The following LRIF1 variants were observed in gnomAD, a reference collection of about 807,000 sequenced individuals.
The protein encoded by LRIF1 is ligand dependent nuclear receptor interacting factor 1.
LRIF1 carries 32 observed loss-of-function variants against 52.7 expected under a neutral mutation model. The observed-to-expected ratio is 0.61, with a 90% CI of 0.46 to 0.82. The LOEUF (loss-of-function observed/expected upper bound fraction) is 0.82, where lower values mean the gene tolerates loss of function less well. LRIF1 is among the 40% of genes least tolerant of loss of function. The probability of loss-of-function intolerance (pLI) is 0.00; values close to 1 mark genes in which losing one functional copy is unlikely to be tolerated. For synonymous variants in LRIF1, 323 were observed against 317.4 expected (o/e 1.02, Z -0.19); for missense variants, 887 against 892.0 (o/e 0.99, Z 0.07).
the LRIF1 span, chr1:110,895,033 C>A: frequency 6.2e-7 from 1 of 1,613,236 alleles, no homozygotes; most frequent in Non-Finnish European, 8.5e-7. Context: ...ACCAAGGCAG[C>A]GTGGGACTCC....
At chr1:110,943,446 G>A (rs900224063), downstream of LRIF1, 2 of 152,006 alleles carry the variant, frequency 1.3e-5, no homozygotes, top group African/African-American at 2.4e-5. Context: ...AAATAAAAAA[G>A]GAGGCTAAAT....
the LRIF1 span, among the ~76,000 whole-genome samples, chr1:110,909,643 C>T: frequency 1.4e-5 from 2 of 141,804 alleles, no homozygotes; most frequent in East Asian, 2.1e-4. Context: ...TGCAGTGGCG[C>T]GATCTCGGCT....
chr1:110,963,253 G>C (rs919607211), intron 1 of LRIF1: 4 of 164,230 alleles, frequency 2.4e-5, no homozygotes, highest in African/African-American at 9.5e-5. Flanking sequence ...GGCTGCACTT[G>C]CTAATCCGTG....
the LRIF1 span, among the ~76,000 whole-genome samples, chr1:110,929,906 G>GT: frequency 6.6e-6 from 1 of 152,186 alleles, no homozygotes; most frequent in Non-Finnish European, 1.5e-5. Flanking sequence ...GAACTATTAG[G>GT]TACTAGTCTC....
chr1:110,881,272 C>T, the LRIF1 span, among the ~76,000 whole-genome samples: 1 of 151,914 alleles, frequency 6.6e-6, no homozygotes, highest in African/African-American at 2.4e-5. Context: ...CCACCTTCAT[C>T]CTCAGACAGT....
the LRIF1 span, among the ~76,000 whole-genome samples, chr1:110,928,724 G>A: frequency 6.6e-6 from 1 of 151,964 alleles, no homozygotes; most frequent in Non-Finnish European, 1.5e-5. Context: ...AGAGAGTGAG[G>A]GGGAAAAAAT....
At chr1:110,904,597 C>G in the LRIF1 span, among the ~76,000 whole-genome samples, 1 of 152,164 alleles carries the variant, frequency 6.6e-6, no homozygotes, top group Non-Finnish European at 1.5e-5. Context: ...CGAGGTGCCC[C>G]TAAAGCAGAT....
chr1:110,936,540 G>A, the LRIF1 span: 5 of 151,876 alleles, frequency 3.3e-5, no homozygotes, highest in Non-Finnish European at 5.9e-5. Context: ...TTGAAATAAT[G>A]GTTTAAAAGA....
chr1:110,959,736 CAAAAAAAA>C (rs11320169), intron 1 of LRIF1, among the ~76,000 whole-genome samples: 2 of 56,350 alleles, frequency 3.5e-5, no homozygotes, highest in South Asian at 5.6e-4. Context: ...GACTCCATCT[CAAAAAAAA>C]AAAAAAAAAA....
intron 1 of LRIF1, among the ~76,000 whole-genome samples, chr1:110,959,358 T>C (rs997526654): frequency 6.6e-6 from 1 of 152,190 alleles, no homozygotes; most frequent in Non-Finnish European, 1.5e-5. Flanking sequence ...CTAGGAGAAG[T>C]AAATGAAATA....
the LRIF1 span, among the ~76,000 whole-genome samples, chr1:110,920,642 A>G: frequency 1.4e-4 from 22 of 152,350 alleles, no homozygotes; most frequent in Middle Eastern, 3.4e-3. Context: ...CAAAACCCAT[A>G]GAACGTACAA....
the LRIF1 span, among the ~76,000 whole-genome samples, chr1:110,896,441 A>T: frequency 6.6e-6 from 1 of 152,196 alleles, no homozygotes; most frequent in Admixed American, 6.5e-5. Context: ...TAGATTAAGC[A>T]CAGGGGTCTC....
chr1:110,896,519 C>A, the LRIF1 span: 1 of 750,616 alleles, frequency 1.3e-6, no homozygotes, highest in Non-Finnish European at 2.3e-6. Context: ...TTTAAGGAGC[C>A]CATAGCAATC....
At chr1:110,903,709 G>A in the LRIF1 span, among the ~76,000 whole-genome samples, 3 of 152,280 alleles carry the variant, frequency 2.0e-5, no homozygotes, top group Admixed American at 1.3e-4. Flanking sequence ...AGCTGTGGTG[G>A]CTATTGGCTG....
chr1:110,894,273 G>A, the LRIF1 span: 1 of 1,491,806 alleles, frequency 6.7e-7, no homozygotes, highest in African/African-American at 1.4e-5. Flanking sequence ...AGCTGAGTGG[G>A]AGTGGGACGA....
At chr1:110,900,395 C>T in the LRIF1 span, among the ~76,000 whole-genome samples, 3 of 152,142 alleles carry the variant, frequency 2.0e-5, no homozygotes, top group African/African-American at 7.2e-5. Context: ...GAGATGGAGA[C>T]TTGCTTTGTC....
At chr1:110,912,265 G>A in the LRIF1 span, among the ~76,000 whole-genome samples, 1 of 151,792 alleles carries the variant, frequency 6.6e-6, no homozygotes, top group African/African-American at 2.4e-5. Context: ...AGACTGGAGT[G>A]CAGTGGCATG....
chr1:110,897,427 G>T, the LRIF1 span, among the ~76,000 whole-genome samples: 1 of 152,230 alleles, frequency 6.6e-6, no homozygotes, highest in South Asian at 2.1e-4. Context: ...TGGATTTACT[G>T]AATGTTGAAG....
chr1:110,893,704 G>A, the LRIF1 span, among the ~76,000 whole-genome samples: 3 of 152,226 alleles, frequency 2.0e-5, no homozygotes, highest in Non-Finnish European at 4.4e-5. Context: ...CAGACTAATG[G>A]CAAAGGATGG....
Sources: gnomAD v4.1 joint callset for allele counts (sites outside exome capture counted in the v4.1 genomes callset) on GRCh38, gnomAD v4.1.1 for gene constraint, MANE v1.5 for transcripts, NCBI Gene and HGNC (gene_info 2026-07-23, HGNC 2026-07-21) for gene names.